SYNE4: variants seen among roughly 807,000 people sequenced by gnomAD.
SYNE4 encodes the protein spectrin repeat containing nuclear envelope family member 4.
A neutral mutation model predicts 46.9 loss-of-function variants in SYNE4; 41 were observed. The ratio of observed to expected loss-of-function variants is 0.87; its 90% CI spans 0.68 to 1.13. SYNE4 has a LOEUF of 1.13. Among genes scored for constraint, SYNE4 ranks in the 50% most tolerant of loss-of-function variants. SYNE4 has a pLI of 0.00. For synonymous variants in SYNE4, 221 were observed against 219.5 expected, an observed-to-expected ratio of 1.01 and a Z score of -0.06; for missense variants, 492 against 514.8, an observed-to-expected ratio of 0.96 and a Z score of 0.43.
At chr19:36,007,000 T>C in intron 3 of SYNE4, 56 bp from the exon 4 acceptor site, 2 of 1,530,318 alleles carry the variant, frequency 1.3e-6, no homozygotes, top group Non-Finnish European at 1.8e-6. Context: ...AACCTGGAGT[T>C]ACCCCCCTCC....
intron 5 of SYNE4, chr19:36,006,094 G>A (rs1010491709): frequency 4.7e-4 from 108 of 227,840 alleles, no homozygotes; most frequent in African/African-American, 2.6e-3. Context: ...AGGAAATAAA[G>A]TAAGAAGATA....
chr19:36,008,746 G>T lies in SYNE4; in HGVS notation c.-65C>A. ...CAGTAAGACCTCTTCCCTAGACAAG[G>T]GTGTCCCAGAGCTCCTCCGCTGGAG... On this transcript the variant is annotated 5_prime_UTR_variant, in exon 1 of 8. Coordinates refer to ENST00000324444, the MANE Select transcript of SYNE4 (RefSeq NM_001039876.3). 13 of 1,520,850 alleles carry T rather than the reference G, an allele frequency of 8.5e-6. No individual in the cohort carries two copies. The highest frequency in any genetic ancestry group is 1.1e-5 in the Non-Finnish European group (13 of 1,134,260). The allele number at this position is 1,520,850 out of a possible 1,614,324, so 94.2% of individuals were successfully genotyped here. A position where few individuals can be genotyped will look rare whatever the true frequency, so the allele number is the denominator to read the frequency against.
chr19:36,008,535 C>T lies in SYNE4; in HGVS notation c.128+19G>A, dbSNP rs764049093. The stretch of plus-strand genomic sequence containing the variant: ...CGCCTACCCTTTTGGGAACAAGCTT[C>T]CAAAGCCCCGGCCCCCACCTCGTGC... On this transcript the variant is annotated intron_variant, in intron 1 of 7. Coordinates refer to ENST00000324444, the MANE Select transcript of SYNE4 (RefSeq NM_001039876.3). 1 of 1,613,056 alleles carries T rather than the reference C, an allele frequency of 6.2e-7. No individual in the cohort carries two copies. Among genetic ancestry groups the T allele is most frequent in the Non-Finnish European group, 8.5e-7 (1 of 1,179,926 alleles).
intron 7 of SYNE4, 32 bp downstream of exon 7, chr19:36,003,581 C>G: frequency 6.2e-7 from 1 of 1,610,176 alleles, no homozygotes; most frequent in Admixed American, 1.7e-5. Context: ...CTCTGTCCCC[C>G]ACACCCTAGT....
At chr19:36,003,702 G>T in intron 6 of SYNE4, 31 bp from the exon 7 acceptor site, 1 of 1,603,548 alleles carries the variant, frequency 6.2e-7, no homozygotes, top group South Asian at 1.1e-5. Context: ...GCAGCAGAAT[G>T]GATAGAAATG....
At position 36,008,583 on chromosome 19, in the gene SYNE4, G is replaced by C; in HGVS notation, c.99C>G (p.Val33=). The change falls in exon 1 of 8, where the codon GTC becomes GTG. Residue 33 remains valine (V), a synonymous_variant. Coordinates refer to ENST00000324444, the MANE Select transcript of SYNE4 (RefSeq NM_001039876.3). ...PREADIVGCT[V]CPASGEESTS... is the part of the protein sequence containing the mutation. ...TGCTCTCCTCTCCGGACGCGGGGCA[G>C]ACGGTGCATCCAACAATGTCCGCCT... The C allele has an allele frequency of 6.2e-7, 1 of 1,614,020 alleles. No individual in the cohort carries two copies. Among genetic ancestry groups the C allele is most frequent in the Non-Finnish European group, 8.5e-7 (1 of 1,179,924 alleles).
Position 36,003,416 on chromosome 19 carries a change from C to T in SYNE4, c.1136G>A (p.Gly379Asp). 1 of 1,613,928 alleles carries T rather than the reference C, an allele frequency of 6.2e-7. No individual in the cohort carries two copies. The highest frequency in any genetic ancestry group is 8.5e-7 in the Non-Finnish European group (1 of 1,179,970). Residue 379 changes from glycine to aspartate, a missense_variant, in exon 8 of 8, where the codon GGC becomes GAC. Coordinates refer to ENST00000324444, the MANE Select transcript of SYNE4 (RefSeq NM_001039876.3). ...TATTCGGGCATGAGAGCAGCAGGGG[C>T]CTCCTGACGCGGGCAGGAGAAACAT... ...GAMFLLPASG[G>D]PCCSHARIPR...
chr19:36,006,520 C>T lies in SYNE4; in HGVS notation c.770G>A (p.Gly257Asp), dbSNP rs1250789238. The change falls in exon 5 of 8, where the codon GGC (glycine) becomes GAC (aspartate). Residue 257 changes from glycine to aspartate, a missense_variant. Coordinates refer to ENST00000324444, the MANE Select transcript of SYNE4 (RefSeq NM_001039876.3). ...LEWDPAGDIG[G>D]LGPLGQKTAR... The stretch of plus-strand genomic sequence containing the variant: ...TGTCTTTTGTCCCAAGGGCCCAAGG[C>T]CCCCAATGTCCCCCGCCGGATCCCA... The T allele has an allele frequency of 6.2e-6, 10 of 1,607,358 alleles. No individual in the cohort carries two copies. The highest frequency in any genetic ancestry group is 2.2e-5 in the East Asian group (1 of 44,614).
Position 36,008,264 on chromosome 19 carries a change from A to G in SYNE4, c.232T>C (p.Ser78Pro). The G allele has an allele frequency of 1.2e-6, 2 of 1,608,788 alleles. No individual in the cohort carries two copies. Among genetic ancestry groups the G allele is most frequent in the Middle Eastern group, 1.7e-4 (1 of 6,024 alleles). Residue 78 changes from serine (S) to proline (P), a missense_variant, in exon 2 of 8, where the codon TCA (serine) becomes CCA (proline). Coordinates refer to ENST00000324444, the MANE Select transcript of SYNE4 (RefSeq NM_001039876.3). The part of the protein sequence containing the change: ...NEPAAHPPRW[S>P]TPSSYEDPAG... ...GGGTCCTCGTAGGAAGAGGGTGTTG[A>G]CCATCTCGGGGGGTGAGCGGCAGGC... is the stretch of plus-strand genomic sequence containing the variant.
rs1968486781 is a variant in SYNE4 at position 36,008,794 on chromosome 19, G to A, written c.-113C>T. The A allele has an allele frequency of 4.1e-6, 6 of 1,450,962 alleles. No individual in the cohort carries two copies. The highest frequency in any genetic ancestry group is 1.4e-5 in the African/African-American group (1 of 70,424). 89.9% of individuals were successfully genotyped at this position (1,450,962 alleles called of 1,614,324 possible). Reference sequence around the variant, plus strand: ...GAGTCACCCGGGCCTGAGGCTGCAGGAGAGGCCCAGGACAGGTCTGGCTCC... The same window carrying A: ...GAGTCACCCGGGCCTGAGGCTGCAGAAGAGGCCCAGGACAGGTCTGGCTCC... On this transcript the variant is annotated 5_prime_UTR_variant, in exon 1 of 8. Transcript: ENST00000324444.
intron 5 of SYNE4, chr19:36,005,905 G>T (rs1275733686): frequency 1.3e-5 from 2 of 157,590 alleles, no homozygotes; most frequent in Admixed American, 1.2e-4. Context: ...TGTAATCCCA[G>T]CTACTCGGGA....
chr19:36,008,225 G>T lies in SYNE4; in HGVS notation c.271C>A (p.His91Asn). The change falls in exon 2 of 8, where the codon CAC (histidine) becomes AAC (asparagine). Residue 91 changes from histidine (H) to asparagine (N), a missense_variant. Coordinates refer to ENST00000324444, the MANE Select transcript of SYNE4 (RefSeq NM_001039876.3). ...GGGTCACCTCAGCTCACCTCACAGT[G>T]TTTGCCCCCAGCTGGGTCCTCGTAG... is the stretch of plus-strand genomic sequence containing the variant. Reference protein sequence around the residue: ...SSYEDPAGGKHCEHPISGLEV... With the variant: ...SSYEDPAGGKNCEHPISGLEV... 6.2e-7 allele frequency: 1 copy of T among 1,610,850 alleles called. No homozygotes were observed. The highest frequency in any genetic ancestry group is 1.1e-5 in the South Asian group (1 of 90,646).
At position 36,007,488 on chromosome 19, in the gene SYNE4, C is replaced by A. The variant is rs367701335; in HGVS notation, c.280-220G>T. 63 of 985,304 alleles carry A rather than the reference C, an allele frequency of 6.4e-5. No individual in the cohort carries two copies. In the South Asian group the frequency reaches 2.0e-3, roughly 31 times the overall value. 61.0% of individuals were successfully genotyped at this position (985,304 alleles called of 1,614,324 possible). Reference sequence around the variant, plus strand: ...TCAAGGTCTCCAGGTTTTCAAAGCTCCTGGAAACTTGGATGTGTGAGGCCT... The same window carrying A: ...TCAAGGTCTCCAGGTTTTCAAAGCTACTGGAAACTTGGATGTGTGAGGCCT... On this transcript the variant is annotated intron_variant, in intron 2 of 7. Transcript: ENST00000324444.
chr19:36,005,627 G>T (rs1976823258), intron 5 of SYNE4, 190 bp from the exon 6 acceptor site: 1 of 590,942 alleles, frequency 1.7e-6, no homozygotes, highest in South Asian at 2.0e-5. Context: ...TTACAAGCCA[G>T]GAACTGTTCT....
intron 6 of SYNE4, among the ~76,000 whole-genome samples, chr19:36,004,105 C>T (rs528799979): frequency 2.6e-4 from 40 of 152,244 alleles, no homozygotes; most frequent in African/African-American, 9.4e-4. Context: ...ACCTCCTGGG[C>T]TCAGGTGATC....
At chr19:36,008,084 C>T in intron 2 of SYNE4, 133 bp downstream of exon 2, 1 of 1,229,172 alleles carries the variant, frequency 8.1e-7, no homozygotes. Context: ...AACACTTTTC[C>T]AGAAGGTCCC....
intron 5 of SYNE4, 138 bp downstream of exon 5, chr19:36,006,285 G>A (rs1414849010): frequency 4.3e-6 from 5 of 1,167,332 alleles, no homozygotes; most frequent in Non-Finnish European, 5.9e-6. Context: ...TGAGATAGAA[G>A]GAGACACCGA....
Position 36,003,641 on chromosome 19 carries a change from G to A in SYNE4, c.1003C>T (p.Gln335Ter), listed in dbSNP as rs1243171367. 6.2e-7 allele frequency: 1 copy of A among 1,613,196 alleles called. No homozygotes were observed. Among genetic ancestry groups the A allele is most frequent in the Non-Finnish European group, 8.5e-7 (1 of 1,179,728 alleles). Residue 335 changes from glutamine to a stop codon, truncating the protein, a stop_gained, in exon 7 of 8, where the codon CAG becomes TAG. Coordinates refer to ENST00000324444, the MANE Select transcript of SYNE4 (RefSeq NM_001039876.3). LOFTEE classifies it low-confidence loss of function (END_TRUNC). ...GGATTCCCCTCCAGCCTCACATCCT[G>A]GAGATGAGGAGATGCTTGCCTCTTC... ...DKKRQASPHL[Q>*]DVRLEGNPGA...
At chr19:36,006,313 G>A (rs1976848301) in intron 5 of SYNE4, 110 bp downstream of exon 5, 2 of 1,383,486 alleles carry the variant, frequency 1.4e-6, no homozygotes, top group Admixed American at 4.8e-5. Flanking sequence ...AGATAGAGGG[G>A]GAGACAGAGC....
Sources: gnomAD v4.1 joint callset for allele counts (sites outside exome capture counted in the v4.1 genomes callset) on GRCh38, gnomAD v4.1.1 for gene constraint, MANE v1.5 for transcripts, NCBI Gene and HGNC (gene_info 2026-07-23, HGNC 2026-07-21) for gene names.